GCNA: variants seen among roughly 807,000 people sequenced by gnomAD.
The protein encoded by GCNA is germ cell nuclear acidic peptidase.
Under a neutral mutation model 38.8 loss-of-function variants are expected in GCNA, and 3 were observed. That is an observed-to-expected ratio of 0.08 (90% CI 0.04 to 0.20). GCNA has a LOEUF of 0.20. Ranked by LOEUF, GCNA falls within the 10% of genes least tolerant of loss-of-function variation. The probability of loss-of-function intolerance (pLI) is 1.00; values close to 1 mark genes in which losing one functional copy is unlikely to be tolerated. For missense variants in GCNA, 446 were observed against 578.6 expected, an observed-to-expected ratio of 0.77 and a Z score of 2.35; for synonymous variants, 195 against 240.2, an observed-to-expected ratio of 0.81 and a Z score of 1.74.
At position 71,603,633 on chromosome X, in the gene GCNA, C is replaced by T; in HGVS notation, c.356C>T (p.Pro119Leu). The change falls in exon 8 of 13, where the codon CCT becomes CTT. Residue 119 changes from proline to leucine, a missense_variant. This residue lies in a region of GCNA where 118 missense variants were observed against 122.8 expected (regional missense o/e 0.96). Transcript: ENST00000373696. ...CCHVKPAIQEPPIVISDDDND... is the reference protein window; with the variant it reads ...CCHVKPAIQELPIVISDDDND... Reference sequence around the variant, plus strand: ...CATGTGAAGCCTGCCATCCAGGAACCTCCAATAGTTATTAGTGATGATGAC... The same window carrying T: ...CATGTGAAGCCTGCCATCCAGGAACTTCCAATAGTTATTAGTGATGATGAC... 1 of 1,211,803 alleles carries T rather than the reference C, an allele frequency of 8.3e-7. No individual in the cohort carries two copies. The highest frequency in any genetic ancestry group is 1.1e-6 in the Non-Finnish European group (1 of 895,568).
At chrX:71,598,452 C>G in intron 7 of GCNA, among the ~76,000 whole-genome samples, 1 of 111,942 alleles carries the variant, frequency 8.9e-6, no homozygotes, top group African/African-American at 3.2e-5. Flanking sequence ...TTCTTCCTTC[C>G]AGCTTGAAGG....
intron 2 of GCNA, among the ~76,000 whole-genome samples, chrX:71,590,743 G>A (rs1296405039): frequency 2.7e-5 from 3 of 109,314 alleles, no homozygotes; most frequent in Non-Finnish European, 5.7e-5. Context: ...GTGTAGTGGC[G>A]TGGATCTTGG....
intron 2 of GCNA, among the ~76,000 whole-genome samples, chrX:71,585,543 A>G (rs910955002): frequency 1.8e-5 from 2 of 110,533 alleles, no homozygotes; most frequent in Non-Finnish European, 3.8e-5. Flanking sequence ...CTACAGGTCC[A>G]AAAAGCAGAT....
chrX:71,609,715 G>A (rs185560795), intron 10 of GCNA, among the ~76,000 whole-genome samples: 32 of 111,851 alleles, frequency 2.9e-4, no homozygotes, highest in Non-Finnish European at 5.5e-4. Context: ...TGGAGGAGGT[G>A]AAATTTACAT....
intron 1 of GCNA, chrX:71,580,437 T>G (rs935005909): frequency 8.6e-6 from 1 of 116,514 alleles, no homozygotes; most frequent in African/African-American, 3.2e-5. Context: ...TGCTTTTGAG[T>G]TCTGGCTTTC....
intron 2 of GCNA, among the ~76,000 whole-genome samples, chrX:71,584,945 G>T (rs1322378294): frequency 9.0e-6 from 1 of 111,396 alleles, no homozygotes; most frequent in Non-Finnish European, 1.9e-5. Flanking sequence ...GAATCAATAT[G>T]ATCCTGGGCT....
intron 2 of GCNA, among the ~76,000 whole-genome samples, chrX:71,590,916 C>G (rs2147715849): frequency 9.0e-6 from 1 of 111,307 alleles, no homozygotes; most frequent in African/African-American, 3.3e-5. Context: ...CTCCTGACCT[C>G]AAGCAATGCA....
intron 2 of GCNA, among the ~76,000 whole-genome samples, chrX:71,589,387 A>G (rs1368780277): frequency 3.0e-5 from 3 of 100,643 alleles, no homozygotes; most frequent in Non-Finnish European, 5.9e-5. Context: ...TCCTGGGCTC[A>G]TGCAGTCCTC....
chrX:71,586,076 A>G (rs2040583623), intron 2 of GCNA, among the ~76,000 whole-genome samples: 2 of 108,634 alleles, frequency 1.8e-5, no homozygotes, highest in Admixed American at 2.0e-4. Context: ...ATGATGCCAT[A>G]GGAGTACAGA....
chrX:71,584,022 A>G (rs1331833733), intron 2 of GCNA, among the ~76,000 whole-genome samples: 6 of 100,240 alleles, frequency 6.0e-5, no homozygotes, highest in Non-Finnish European at 8.0e-5. Context: ...TTTTTTTTGT[A>G]TTTTTAGTAG....
intron 1 of GCNA, among the ~76,000 whole-genome samples, chrX:71,579,076 C>G (rs1351744316): frequency 1.0e-5 from 1 of 99,200 alleles, no homozygotes; most frequent in African/African-American, 3.8e-5. Flanking sequence ...GAAGTGGGAG[C>G]GCTGGTGGTG....
intron 9 of GCNA, among the ~76,000 whole-genome samples, chrX:71,607,162 G>C (rs1008099240): frequency 7.1e-5 from 8 of 112,022 alleles, no homozygotes; most frequent in African/African-American, 2.6e-4. Context: ...AAACACACAG[G>C]GGTCCGGGCT....
intron 8 of GCNA, 68 bp downstream of exon 8, chrX:71,604,744 A>C (rs2040755428): frequency 9.4e-6 from 11 of 1,164,834 alleles, no homozygotes; most frequent in Non-Finnish European, 1.3e-5. Flanking sequence ...TGCCTGTGTT[A>C]TCCAGTCTGC....
At chrX:71,588,907 T>TC (rs2040603846) in intron 2 of GCNA, among the ~76,000 whole-genome samples, 1 of 109,814 alleles carries the variant, frequency 9.1e-6, no homozygotes, top group African/African-American at 3.3e-5. Flanking sequence ...TTTTTTTTTT[T>TC]CTTTGTCAGC....
intron 6 of GCNA, among the ~76,000 whole-genome samples, chrX:71,597,694 T>G (rs965887148): frequency 2.7e-5 from 3 of 112,048 alleles, no homozygotes; most frequent in Non-Finnish European, 5.6e-5. Flanking sequence ...CCCATTTCAC[T>G]CTCAGTATGT....
chrX:71,594,077 G>T (rs749182713), intron 4 of GCNA, among the ~76,000 whole-genome samples: 1 of 112,211 alleles, frequency 8.9e-6, no homozygotes, highest in South Asian at 3.7e-4. Context: ...TTCACTGATA[G>T]CTAATGATAC....
chrX:71,580,199 C>T (rs185441827), intron 1 of GCNA: 3,700 of 72,342 alleles, frequency 0.051, 221 homozygotes, highest in African/African-American at 0.18. Flanking sequence ...GATGTGGGGG[C>T]GGTCGAGCCC....
chrX:71,595,095 AT>A (rs779992318), intron 6 of GCNA, among the ~76,000 whole-genome samples: 5 of 110,447 alleles, frequency 4.5e-5, no homozygotes, highest in African/African-American at 1.3e-4. Flanking sequence ...TTGTTTTTAG[AT>A]TAGTTTAGTT....
At chrX:71,610,849 C>T in intron 11 of GCNA, 30 bp downstream of exon 11, 2 of 1,207,597 alleles carry the variant, frequency 1.7e-6, no homozygotes, top group South Asian at 1.8e-5. Context: ...AGCTTCACCA[C>T]TGTGCTCTTT....
Sources: gnomAD v4.1 joint callset for allele counts (sites outside exome capture counted in the v4.1 genomes callset) on GRCh38, gnomAD v4.1.1 for gene constraint, gnomAD v4.1.1 regional missense constraint, MANE v1.5 for transcripts, NCBI Gene and HGNC (gene_info 2026-07-23, HGNC 2026-07-21) for gene names.